The following THSD4 variants were observed in gnomAD, a reference collection of about 807,000 sequenced individuals.
THSD4 encodes thrombospondin type 1 domain containing 4, also known as thrombospondin type-1 domain-containing protein 4.
A neutral mutation model predicts 119.0 loss-of-function variants in THSD4; 69 were observed. The observed-to-expected ratio is 0.58, with a 90% CI of 0.48 to 0.71. The LOEUF (loss-of-function observed/expected upper bound fraction) is 0.71, where lower values mean the gene tolerates loss of function less well. Among genes scored for constraint, THSD4 ranks in the 30% least tolerant of loss-of-function variants. The pLI, the probability that THSD4 is intolerant of heterozygous loss-of-function variation, is 0.00. For missense variants in THSD4, 1,393 were observed against 1,391.1 expected (o/e 1.00, Z -0.02); for synonymous variants, 524 against 540.4 (o/e 0.97, Z 0.42).
At chr15:71,309,501 A>G (rs2045081510) in intron 6 of THSD4, among the ~76,000 whole-genome samples, 1 of 152,134 alleles carries the variant, frequency 6.6e-6, no homozygotes, top group Non-Finnish European at 1.5e-5. Context: ...TTAAATTTTG[A>G]TGAAGTCTAA....
intron 7 of THSD4, among the ~76,000 whole-genome samples, chr15:71,459,338 G>GTC (rs201750297): frequency 0.16 from 20,785 of 131,120 alleles, 1,943 homozygotes; most frequent in East Asian, 0.3. Context: ...CTCTCTCTCT[G>GTC]TCTCTCTGTC....
intron 7 of THSD4, among the ~76,000 whole-genome samples, chr15:71,502,694 T>C (rs2048129668): frequency 6.6e-6 from 1 of 152,238 alleles, no homozygotes. Flanking sequence ...ATATATTCTA[T>C]GTATGGAATA....
intron 6 of THSD4, among the ~76,000 whole-genome samples, chr15:71,362,685 A>G (rs1483049668): frequency 1.3e-5 from 2 of 152,166 alleles, no homozygotes; most frequent in Non-Finnish European, 2.9e-5. Context: ...ATTAATTTCC[A>G]TGCATGGTCC....
chr15:71,660,497 AC>A, intron 7 of THSD4, 32 bp from the exon 8 acceptor site: 1 of 1,613,160 alleles, frequency 6.2e-7, no homozygotes, highest in Non-Finnish European at 8.5e-7. Context: ...CCTGATACAT[AC>A]TATGAGTCTT....
intron 6 of THSD4, among the ~76,000 whole-genome samples, chr15:71,324,052 C>A (rs1281210957): frequency 6.6e-6 from 1 of 152,182 alleles, no homozygotes; most frequent in Non-Finnish European, 1.5e-5. Flanking sequence ...TTTCCCAACC[C>A]TCTCTTCATT....
intron 7 of THSD4, among the ~76,000 whole-genome samples, chr15:71,579,764 A>T (rs969909093): frequency 1.3e-5 from 2 of 152,214 alleles, no homozygotes; most frequent in Non-Finnish European, 2.9e-5. Context: ...AACAATAGCA[A>T]TGAGAGACAC....
intron 3 of THSD4, among the ~76,000 whole-genome samples, chr15:71,207,697 C>T (rs539726224): frequency 2.0e-5 from 3 of 152,138 alleles, no homozygotes; most frequent in Non-Finnish European, 4.4e-5. Context: ...CTCATAGGAG[C>T]GTGAACCCTA....
intron 10 of THSD4, chr15:71,733,951 A>ATTATTGTTG (rs145091174): frequency 4.3e-5 from 6 of 140,194 alleles, no homozygotes; most frequent in Admixed American, 7.6e-5. Flanking sequence ...GAAAGCCCTA[A>ATTATTGTTG]TTGTTGTTGT....
At chr15:71,493,350 A>G (rs1047445922) in intron 7 of THSD4, among the ~76,000 whole-genome samples, 1 of 152,250 alleles carries the variant, frequency 6.6e-6, no homozygotes, top group African/African-American at 2.4e-5. Flanking sequence ...ATTTTTAAAA[A>G]TAATTTTTAT....
At chr15:71,570,713 T>C (rs1441950119) in intron 7 of THSD4, among the ~76,000 whole-genome samples, 1 of 152,150 alleles carries the variant, frequency 6.6e-6, no homozygotes, top group Admixed American at 6.6e-5. Context: ...TTCAGGTGAG[T>C]TGTCTACTCC....
Position 71,442,654 on chromosome 15 carries a change from G to A in THSD4, c.1152+30831G>A, listed in dbSNP as rs7177166. Among the ~76,000 whole-genome samples, 22 of 20,616 alleles carry A rather than the reference G, an allele frequency of 1.1e-3. 2 individuals carry two copies. The highest frequency in any genetic ancestry group is 0.033 in the Middle Eastern group (1 of 30). The allele number at this position is 20,616 out of a possible 152,430, so 13.5% of individuals were successfully genotyped here. On this transcript the variant is annotated intron_variant, in intron 7 of 17. Coordinates refer to ENST00000261862, the MANE Select transcript of THSD4 (RefSeq NM_024817.3). ...TGTATGTGTGTGTATATGTGTGTGT[G>A]TGTGTGTATATATATATATATATAT...
intron 6 of THSD4, among the ~76,000 whole-genome samples, chr15:71,305,292 C>T (rs1308968034): frequency 6.6e-6 from 1 of 151,910 alleles, no homozygotes; most frequent in Non-Finnish European, 1.5e-5. Flanking sequence ...TAAGAGGACC[C>T]CCTGCGATCT....
intron 1 of THSD4, among the ~76,000 whole-genome samples, chr15:71,098,516 G>A (rs1304117445): frequency 6.6e-6 from 1 of 152,022 alleles, no homozygotes; most frequent in Non-Finnish European, 1.5e-5. Context: ...GGCCTGCCTT[G>A]GCCTCCCAGA....
At chr15:71,585,790 G>A (rs2049656077) in intron 7 of THSD4, among the ~76,000 whole-genome samples, 1 of 151,980 alleles carries the variant, frequency 6.6e-6, no homozygotes. Context: ...TTGTGTGTGT[G>A]TGTGCCTCTT....
At position 71,780,592 on chromosome 15, in the gene THSD4, C is replaced by T. The variant is rs1305151627; in HGVS notation, c.*3218C>T. The T allele has an allele frequency of 6.8e-6, 3 of 442,278 alleles. No homozygotes were observed. Among genetic ancestry groups the T allele is most frequent in the Non-Finnish European group, 1.4e-5 (3 of 221,738 alleles). The allele number at this position is 442,278 out of a possible 1,614,324, so 27.4% of individuals were successfully genotyped here. A position where few individuals can be genotyped will look rare whatever the true frequency, so the allele number is the denominator to read the frequency against. ...CCACTAGAGGGAGTCAGTTCAGTTC[C>T]GTAAAGGTATGCTCAGTGCCCGCTG... On this transcript the variant is annotated 3_prime_UTR_variant, in exon 18 of 18. Transcript: ENST00000261862.
At position 71,480,896 on chromosome 15, in the gene THSD4, A is replaced by G. The variant is rs182179244; in HGVS notation, c.1152+69073A>G. Reference sequence around the variant, plus strand: ...AGTCTATCTTCATTTTTCATTGTAAACACATCCATGAACACCCCATGCATG... The same window carrying G: ...AGTCTATCTTCATTTTTCATTGTAAGCACATCCATGAACACCCCATGCATG... On this transcript the variant is annotated intron_variant, in intron 7 of 17. Transcript: ENST00000261862. Among the ~76,000 whole-genome samples the G allele has an allele frequency of 4.6e-5, 7 of 152,318 alleles. No individual in the cohort carries two copies. The East Asian group carries it at 1.2e-3, about 25-fold the overall frequency.
intron 6 of THSD4, among the ~76,000 whole-genome samples, chr15:71,288,947 C>A (rs1294391221): frequency 6.6e-6 from 1 of 152,126 alleles, no homozygotes; most frequent in East Asian, 1.9e-4. Context: ...TGGAAGAGGT[C>A]TCTGTTTATT....
chr15:71,147,969 A>AC, intron 2 of THSD4, among the ~76,000 whole-genome samples: 1 of 76,386 alleles, frequency 1.3e-5, no homozygotes, highest in Non-Finnish European at 2.3e-5. Flanking sequence ...ACTCTGTCTC[A>AC]AAAAAAAAAA....
chr15:71,409,002 T>C (rs1429067644), intron 6 of THSD4, among the ~76,000 whole-genome samples: 1 of 152,148 alleles, frequency 6.6e-6, no homozygotes, highest in Non-Finnish European at 1.5e-5. Flanking sequence ...CTCAGGTTTA[T>C]TTATCTCCTA....
Sources: allele counts gnomAD v4.1 joint callset (sites outside exome capture counted in the v4.1 genomes callset), GRCh38; gene constraint gnomAD v4.1.1; transcripts MANE v1.5; gene names NCBI Gene and HGNC (gene_info 2026-07-23, HGNC 2026-07-21).